CDH4: variants seen among roughly 807,000 people sequenced by gnomAD.
CDH4 encodes cadherin 4.
Under a neutral mutation model 86.0 loss-of-function variants are expected in CDH4, and 33 were observed. That is an observed-to-expected ratio of 0.38 (90% CI 0.29 to 0.51). The LOEUF is 0.51. CDH4 is among the 20% of genes least tolerant of loss of function. The probability of loss-of-function intolerance (pLI) is 0.86; values close to 1 mark genes in which losing one functional copy is unlikely to be tolerated. For synonymous variants in CDH4, 555 were observed against 549.4 expected (o/e 1.01, Z -0.14); for missense variants, 1,114 against 1,307.4 (o/e 0.85, Z 2.28).
intron 2 of CDH4, among the ~76,000 whole-genome samples, chr20:61,361,978 C>G (rs1004651260): frequency 6.6e-6 from 1 of 152,256 alleles, no homozygotes; most frequent in African/African-American, 2.4e-5. Context: ...GGAGCCCACA[C>G]TCTCCGAGAG....
chr20:61,809,657 A>G (rs1980328190), intron 4 of CDH4, among the ~76,000 whole-genome samples: 1 of 152,210 alleles, frequency 6.6e-6, no homozygotes, highest in South Asian at 2.1e-4. Context: ...TGGGCAGATG[A>G]GGAGGCCAAA....
intron 2 of CDH4, among the ~76,000 whole-genome samples, chr20:61,602,812 G>A (rs1463519435): frequency 4.0e-5 from 6 of 151,844 alleles, no homozygotes; most frequent in Non-Finnish European, 5.9e-5. Context: ...CCTGGTGAGC[G>A]CACACAGAGG....
At chr20:61,388,662 T>C (rs2145461016) in intron 2 of CDH4, among the ~76,000 whole-genome samples, 1 of 152,360 alleles carries the variant, frequency 6.6e-6, no homozygotes. Context: ...CTCTGTATTG[T>C]GCTACAGCTT....
At chr20:61,443,370 G>A (rs796141384) in intron 2 of CDH4, among the ~76,000 whole-genome samples, 6 of 152,256 alleles carry the variant, frequency 3.9e-5, no homozygotes, top group African/African-American at 1.4e-4. Flanking sequence ...ACCCTGAGCC[G>A]CTGTTATTTA....
At chr20:61,420,075 T>C (rs978812443) in intron 2 of CDH4, among the ~76,000 whole-genome samples, 4 of 152,168 alleles carry the variant, frequency 2.6e-5, no homozygotes, top group African/African-American at 9.7e-5. Flanking sequence ...GACCCCCTGA[T>C]GATGCCAGGC....
intron 2 of CDH4, among the ~76,000 whole-genome samples, chr20:61,374,372 G>A (rs1375700578): frequency 6.6e-6 from 1 of 152,166 alleles, no homozygotes; most frequent in East Asian, 1.9e-4. Flanking sequence ...TCTTGGCAGC[G>A]TGACATGTCG....
intron 2 of CDH4, among the ~76,000 whole-genome samples, chr20:61,390,926 G>C (rs2084981971): frequency 6.6e-6 from 1 of 152,212 alleles, no homozygotes; most frequent in South Asian, 2.1e-4. Context: ...CTTTTTCTTT[G>C]TATTGGCTTT....
intron 5 of CDH4, among the ~76,000 whole-genome samples, chr20:61,852,297 C>T (rs1239963510): frequency 1.3e-5 from 2 of 151,880 alleles, no homozygotes; most frequent in African/African-American, 2.4e-5. Flanking sequence ...GTCTCCTCCC[C>T]ATCTCCCCTG....
At chr20:61,817,667 G>C (rs940887617) in intron 4 of CDH4, among the ~76,000 whole-genome samples, 1 of 152,114 alleles carries the variant, frequency 6.6e-6, no homozygotes, top group Admixed American at 6.5e-5. Flanking sequence ...GTGTCTGCGC[G>C]TTCATCTCTG....
intron 4 of CDH4, among the ~76,000 whole-genome samples, chr20:61,783,246 A>C (rs544743187): frequency 6.6e-6 from 1 of 152,384 alleles, no homozygotes; most frequent in East Asian, 1.9e-4. Flanking sequence ...ATTACCCAAC[A>C]TTCTATCTGA....
Position 61,793,817 on chromosome 20 carries a change from C to T in CDH4, c.576+20635C>T, listed in dbSNP as rs531754588. On this transcript the variant is annotated intron_variant, in intron 4 of 15. Transcript: ENST00000614565. Reference sequence around the variant, plus strand: ...TCACGCCACTGCACTCCAGCTTGGGCGACAGAGTGAGACTGCATTTAAAAA... The same window carrying T: ...TCACGCCACTGCACTCCAGCTTGGGTGACAGAGTGAGACTGCATTTAAAAA... Among the ~76,000 whole-genome samples the T allele has an allele frequency of 7.9e-3, 1,055 of 133,450 alleles. 8 individuals are homozygous for T. Among genetic ancestry groups the T allele is most frequent in the South Asian group, 0.016 (64 of 3,916 alleles). 87.5% of individuals were successfully genotyped at this position (133,450 alleles called of 152,430 possible). A position where few individuals can be genotyped will look rare whatever the true frequency, so the allele number is the denominator to read the frequency against.
At chr20:61,636,317 A>G (rs1220841307) in intron 2 of CDH4, among the ~76,000 whole-genome samples, 6 of 152,234 alleles carry the variant, frequency 3.9e-5, no homozygotes, top group African/African-American at 1.4e-4. Context: ...AAAAGGCAGA[A>G]AGTGGCTCCT....
At chr20:61,323,340 C>A (rs537208569) in intron 2 of CDH4, among the ~76,000 whole-genome samples, 1 of 152,290 alleles carries the variant, frequency 6.6e-6, no homozygotes, top group East Asian at 1.9e-4. Flanking sequence ...GTTCATCAGC[C>A]TGCCAGGAGG....
chr20:61,936,669 C>A, intron 15 of CDH4, 68 bp from the exon 16 acceptor site: 1 of 1,338,936 alleles, frequency 7.5e-7, no homozygotes, highest in Non-Finnish European at 9.9e-7. Context: ...GCCTCGCTTT[C>A]CGTTCCATCT....
At chr20:61,364,629 G>T (rs1327251887) in intron 2 of CDH4, among the ~76,000 whole-genome samples, 2 of 152,186 alleles carry the variant, frequency 1.3e-5, no homozygotes, top group African/African-American at 4.8e-5. Context: ...ACATCCTGGT[G>T]CACATGCTGT....
At chr20:61,418,227 C>T (rs62199123) in intron 2 of CDH4, among the ~76,000 whole-genome samples, 2,623 of 136,638 alleles carry the variant, frequency 0.019, 78 homozygotes, top group African/African-American at 0.069. Context: ...TTTTTTTTCC[C>T]TGAGACAGAG....
rs1417609839 is a variant in CDH4, at chr20:61,377,277, T to A, written c.169+122340T>A. ...GGGGCAGTGGCCGTGTTGCACTTTGTCACAGCATCATTTAGGTGACACAGC... is the reference window on the plus strand; with the variant it reads ...GGGGCAGTGGCCGTGTTGCACTTTGACACAGCATCATTTAGGTGACACAGC... On this transcript the variant is annotated intron_variant, in intron 2 of 15. Transcript: ENST00000614565. This position sits in a 1 kb window ranked among gnomAD's most constrained non-coding sequence, Gnocchi z 4.0. Among the ~76,000 whole-genome samples the A allele has an allele frequency of 2.0e-5, 3 of 152,174 alleles. No homozygotes were observed. The highest frequency in any genetic ancestry group is 7.2e-5 in the African/African-American group (3 of 41,444).
chr20:61,937,234 A>AAG lies in CDH4; in HGVS notation c.*292_*293insGA, dbSNP rs2055204076. 5.1e-6 allele frequency: 1 copy of AAG among 197,638 alleles called. No homozygotes were observed. 12.2% of individuals were successfully genotyped at this position (197,638 alleles called of 1,614,324 possible). On this transcript the variant is annotated 3_prime_UTR_variant, in exon 16 of 16. Coordinates refer to ENST00000614565, the MANE Select transcript of CDH4 (RefSeq NM_001794.5). ...CACTGTTTTTAAAAAAAAAAAAAAA[A>AAG]AAAGAAGAAAGAAAGAAAAAAAAAA...
In CDH4 at chr20:61,642,532, G is replaced by T. The variant is rs370886151; in HGVS notation, c.170-101031G>T. ...AGGCGAGAACTTGGGGTTTTACTTG[G>T]AGCACAACAGGATCTGGTGGGCAGT... On this transcript the variant is annotated intron_variant, in intron 2 of 15. Transcript: ENST00000614565. 5.3e-5 allele frequency among the ~76,000 whole-genome samples: 8 copies of T among 152,348 alleles called. No homozygotes were observed. The East Asian group carries it at 1.5e-3, about 29-fold the overall frequency.
Sources: allele counts gnomAD v4.1 joint callset (sites outside exome capture counted in the v4.1 genomes callset), GRCh38; gene constraint gnomAD v4.1.1; non-coding constraint Gnocchi (gnomAD v3.1); transcripts MANE v1.5; gene names NCBI Gene and HGNC (gene_info 2026-07-23, HGNC 2026-07-21).